Variants in PRR16 observed in about 807,000 individuals in gnomAD.
PRR16 encodes the protein protein Largen.
Under a neutral mutation model 18.2 loss-of-function variants are expected in PRR16, and 6 were observed. The observed-to-expected ratio is 0.33, with a 90% CI of 0.18 to 0.65. The LOEUF (loss-of-function observed/expected upper bound fraction) is 0.65. Ranked by LOEUF, PRR16 falls within the 30% of genes least tolerant of loss-of-function variation. The pLI, the probability that PRR16 is intolerant of heterozygous loss-of-function variation, is 0.74. For synonymous variants in PRR16, 151 were observed against 147.8 expected (o/e 1.02, Z -0.16); for missense variants, 412 against 376.6 (o/e 1.09, Z -0.78).
the PRR16 span, among the ~76,000 whole-genome samples, chr5:120,708,310 G>T: frequency 1.3e-5 from 2 of 152,136 alleles, no homozygotes; most frequent in Non-Finnish European, 2.9e-5. Context: ...TTGTGGTAAT[G>T]AATTTATCAA....
At chr5:120,765,289 AAAAGAAGTTGAATGTATCTT>A in the PRR16 span, among the ~76,000 whole-genome samples, 11 of 152,012 alleles carry the variant, frequency 7.2e-5, no homozygotes, top group Non-Finnish European at 1.5e-4. Context: ...AAATAGACTT[AAAAGAAGTTGAATGTATCTT>A]AGTCTGTTTT....
intron 1 of PRR16, among the ~76,000 whole-genome samples, chr5:120,679,761 A>G (rs1756914990): frequency 6.6e-6 from 1 of 152,174 alleles, no homozygotes; most frequent in African/African-American, 2.4e-5. Context: ...AGAAAGAAAA[A>G]TATTGCATGA....
chr5:120,688,671 A>G (rs1757174801), downstream of PRR16, among the ~76,000 whole-genome samples: 1 of 152,176 alleles, frequency 6.6e-6, no homozygotes. Flanking sequence ...TCTTCAACTC[A>G]TCTTTCCTCT....
intron 1 of PRR16, chr5:120,617,108 T>C (rs1364028060): frequency 3.0e-6 from 3 of 985,122 alleles, no homozygotes; most frequent in Non-Finnish European, 3.6e-6. Context: ...CTCCATTACC[T>C]ACTCCCACCT....
intron 1 of PRR16, among the ~76,000 whole-genome samples, chr5:120,564,890 G>A (rs1752687453): frequency 6.6e-6 from 1 of 151,886 alleles, no homozygotes; most frequent in South Asian, 2.1e-4. Flanking sequence ...GGAGGCTGAG[G>A]CAGGAGAATG....
chr5:120,579,900 T>G (rs372832436), intron 1 of PRR16, among the ~76,000 whole-genome samples: 1 of 152,196 alleles, frequency 6.6e-6, no homozygotes, highest in Non-Finnish European at 1.5e-5. Context: ...TGTCCTCTCT[T>G]ATTTCCTTGA....
chr5:120,532,443 G>GA (rs1029077071), intron 1 of PRR16, among the ~76,000 whole-genome samples: 67 of 151,572 alleles, frequency 4.4e-4, no homozygotes, highest in African/African-American at 1.6e-3. Context: ...TGTTAAATAA[G>GA]AAAAAAACAA....
chr5:120,558,936 T>C lies in PRR16; in HGVS notation c.159+94291T>C, dbSNP rs540795689. On this transcript the variant is annotated intron_variant, in intron 1 of 1. Coordinates refer to ENST00000407149, the MANE Select transcript of PRR16 (RefSeq NM_001300783.2). The stretch of plus-strand genomic sequence containing the variant: ...TTCATTTGCCTGTTTGGCACTGATA[T>C]GGCTTCTTTTGAGAAATATCTATTT... 1.3e-5 allele frequency among the ~76,000 whole-genome samples: 2 copies of C among 152,202 alleles called. 1 individual carries two copies. Among genetic ancestry groups the C allele is most frequent in the South Asian group, 4.1e-4 (2 of 4,828 alleles).
chr5:120,637,337 A>AAAAC (rs1755267563), intron 1 of PRR16, among the ~76,000 whole-genome samples: 1 of 150,690 alleles, frequency 6.6e-6, no homozygotes, highest in Non-Finnish European at 1.5e-5. Flanking sequence ...AAAAAAAAAA[A>AAAAC]AAAAAACTTG....
chr5:120,618,547 A>G, intron 1 of PRR16: 2 of 950,558 alleles, frequency 2.1e-6, no homozygotes, highest in Non-Finnish European at 2.5e-6. Flanking sequence ...TATCTTCTCA[A>G]TCAAATTCTA....
At chr5:120,540,525 A>G (rs1751877516) in intron 1 of PRR16, among the ~76,000 whole-genome samples, 1 of 152,156 alleles carries the variant, frequency 6.6e-6, no homozygotes, top group Non-Finnish European at 1.5e-5. Flanking sequence ...GTAGCCTTGT[A>G]TACTGTCCCT....
the PRR16 span, among the ~76,000 whole-genome samples, chr5:120,703,713 T>G: frequency 3.3e-5 from 5 of 152,320 alleles, no homozygotes; most frequent in Admixed American, 2.0e-4. Flanking sequence ...TTTGAAAATA[T>G]TATTTTTATG....
At chr5:120,612,903 G>A (rs148440697) in intron 1 of PRR16, among the ~76,000 whole-genome samples, 44 of 152,132 alleles carry the variant, frequency 2.9e-4, no homozygotes, top group Non-Finnish European at 2.9e-5. Flanking sequence ...TTGAGACTGG[G>A]CACTCAAATG....
chr5:120,689,982 C>T (rs148020542), downstream of PRR16, among the ~76,000 whole-genome samples: 813 of 152,174 alleles, frequency 5.3e-3, 16 homozygotes, highest in African/African-American at 0.019. Flanking sequence ...AGAAATTTTT[C>T]ACTCTTCTGA....
intron 1 of PRR16, among the ~76,000 whole-genome samples, chr5:120,488,502 T>C (rs1212692629): frequency 6.6e-6 from 1 of 152,238 alleles, no homozygotes; most frequent in African/African-American, 2.4e-5. Context: ...ATATCCCATT[T>C]ATCATTTTTT....
At chr5:120,571,237 C>G (rs1752896718) in intron 1 of PRR16, among the ~76,000 whole-genome samples, 1 of 152,108 alleles carries the variant, frequency 6.6e-6, no homozygotes, top group African/African-American at 2.4e-5. Context: ...AAGGCATGTG[C>G]ATTGCTTTAG....
intron 1 of PRR16, among the ~76,000 whole-genome samples, chr5:120,592,856 A>C (rs1013152387): frequency 1.9e-4 from 29 of 152,008 alleles, no homozygotes; most frequent in African/African-American, 6.3e-4. Context: ...AAAATATATT[A>C]CTCTTTTTTT....
At chr5:120,783,567 A>C in the PRR16 span, among the ~76,000 whole-genome samples, 8 of 152,254 alleles carry the variant, frequency 5.3e-5, no homozygotes, top group East Asian at 1.5e-3. Context: ...TTTTAAAAAA[A>C]TTTAAATTGT....
the PRR16 span, among the ~76,000 whole-genome samples, chr5:120,736,442 T>C: frequency 2.0e-5 from 3 of 151,786 alleles, no homozygotes; most frequent in Admixed American, 6.6e-5. Flanking sequence ...TTTTTGTATT[T>C]TTAGTACAGA....
Sources: allele counts gnomAD v4.1 joint callset (sites outside exome capture counted in the v4.1 genomes callset), GRCh38; gene constraint gnomAD v4.1.1; transcripts MANE v1.5; gene names NCBI Gene and HGNC (gene_info 2026-07-23, HGNC 2026-07-21).